Variants in ENOX1 observed in about 807,000 individuals in gnomAD.
The protein encoded by ENOX1 is candidate growth-related and time keeping constitutive hydroquinone (NADH) oxidase.
In ENOX1, 42 loss-of-function variants were observed where a neutral mutation model predicts 82.5. The observed-to-expected ratio is 0.51, with a 90% CI of 0.40 to 0.66. The LOEUF is 0.66. Among genes scored for constraint, ENOX1 ranks in the 30% least tolerant of loss-of-function variants. ENOX1 has a pLI of 0.00. For missense variants in ENOX1, 608 were observed against 811.6 expected, an observed-to-expected ratio of 0.75 and a Z score of 3.05; for synonymous variants, 271 against 282.2, an observed-to-expected ratio of 0.96 and a Z score of 0.40.
chr13:43,428,588 C>T (rs1429506023), intron 3 of ENOX1, among the ~76,000 whole-genome samples: 3 of 152,128 alleles, frequency 2.0e-5, no homozygotes, highest in African/African-American at 7.2e-5. Context: ...GAGGTGGAGT[C>T]AGGTTACTAT....
At chr13:43,506,419 T>G (rs1389856596) in intron 2 of ENOX1, among the ~76,000 whole-genome samples, 1 of 149,744 alleles carries the variant, frequency 6.7e-6, no homozygotes. Context: ...ATTGTGGAAG[T>G]CGGTGTGGCG....
In ENOX1 at chr13:43,631,773, C is replaced by T. The variant is rs765642198; in HGVS notation, c.-219+35706G>A. 3.9e-5 allele frequency among the ~76,000 whole-genome samples: 6 copies of T among 152,174 alleles called. No homozygotes were observed. In the South Asian group the frequency reaches 1.0e-3, roughly 26 times the overall value. On this transcript the variant is annotated intron_variant, in intron 2 of 16. Coordinates refer to ENST00000690772, the MANE Select transcript of ENOX1 (RefSeq NM_001347969.2). ...ATATTGTTTTACCACATTATCTGATCGTGATGCTTCATCTCTGATCACATG... is the reference window on the plus strand; with the variant it reads ...ATATTGTTTTACCACATTATCTGATTGTGATGCTTCATCTCTGATCACATG...
chr13:43,580,247 G>A (rs2080650473), intron 2 of ENOX1, among the ~76,000 whole-genome samples: 1 of 152,130 alleles, frequency 6.6e-6, no homozygotes, highest in South Asian at 2.1e-4. Context: ...TGTTAACTGG[G>A]TTTTATCATA....
At chr13:43,372,543 C>T (rs1028297030) in intron 5 of ENOX1, among the ~76,000 whole-genome samples, 2 of 152,114 alleles carry the variant, frequency 1.3e-5, no homozygotes, top group African/African-American at 4.8e-5. Context: ...AGGACAGGAA[C>T]AGGGACAGGA....
intron 14 of ENOX1, among the ~76,000 whole-genome samples, chr13:43,253,827 C>T (rs935135102): frequency 1.3e-5 from 2 of 152,048 alleles, no homozygotes; most frequent in East Asian, 1.9e-4. Flanking sequence ...CTTTTGGGCT[C>T]CCGACTCTTT....
intron 3 of ENOX1, among the ~76,000 whole-genome samples, chr13:43,455,871 C>T (rs184020502): frequency 5.3e-4 from 81 of 152,278 alleles, no homozygotes; most frequent in African/African-American, 1.9e-3. Context: ...TGACTTTGTT[C>T]TTTCCTTGCC....
chr13:43,751,772 T>G (rs1950335595), intron 1 of ENOX1, among the ~76,000 whole-genome samples: 1 of 152,210 alleles, frequency 6.6e-6, no homozygotes, highest in African/African-American at 2.4e-5. Context: ...TGAGTTTGTC[T>G]TTTTACCTGT....
intron 2 of ENOX1, among the ~76,000 whole-genome samples, chr13:43,627,733 A>C (rs964184554): frequency 4.6e-5 from 7 of 151,998 alleles, no homozygotes; most frequent in Non-Finnish European, 1.0e-4. Flanking sequence ...AATTTCCCAG[A>C]GTCCCTTCTT....
intron 11 of ENOX1, among the ~76,000 whole-genome samples, chr13:43,316,137 A>C (rs1429453351): frequency 2.0e-5 from 3 of 152,184 alleles, no homozygotes; most frequent in Admixed American, 6.6e-5. Flanking sequence ...GACTCATAGC[A>C]CTAAGCAAGA....
At chr13:43,567,297 C>G (rs2079963196) in intron 2 of ENOX1, among the ~76,000 whole-genome samples, 1 of 152,074 alleles carries the variant, frequency 6.6e-6, no homozygotes, top group Admixed American at 6.6e-5. Flanking sequence ...TAGTGCAAAT[C>G]AGTACCATGT....
At chr13:43,654,747 G>A (rs2084352051) in intron 2 of ENOX1, among the ~76,000 whole-genome samples, 1 of 152,100 alleles carries the variant, frequency 6.6e-6, no homozygotes, top group South Asian at 2.1e-4. Flanking sequence ...AATCTTTCTG[G>A]TGGCTGAGCC....
chr13:43,721,779 C>G (rs932970265), intron 1 of ENOX1, among the ~76,000 whole-genome samples: 1 of 152,140 alleles, frequency 6.6e-6, no homozygotes, highest in African/African-American at 2.4e-5. Context: ...AGACAGCCTG[C>G]CACTGAGACA....
At chr13:43,619,274 T>C (rs1237233626) in intron 2 of ENOX1, among the ~76,000 whole-genome samples, 2 of 152,176 alleles carry the variant, frequency 1.3e-5, no homozygotes, top group Non-Finnish European at 2.9e-5. Flanking sequence ...TCCAGTACTA[T>C]GTTGAAGAGT....
At chr13:43,766,703 G>C (rs773018619) in intron 1 of ENOX1, among the ~76,000 whole-genome samples, 1 of 152,166 alleles carries the variant, frequency 6.6e-6, no homozygotes, top group Non-Finnish European at 1.5e-5. Context: ...GAGTAAAATA[G>C]ACTTGGTTTC....
At chr13:43,253,855 T>A (rs1382803158) in intron 14 of ENOX1, among the ~76,000 whole-genome samples, 1 of 152,194 alleles carries the variant, frequency 6.6e-6, no homozygotes, top group Non-Finnish European at 1.5e-5. Flanking sequence ...TGCTACTGAA[T>A]GTTCCTCCTG....
At chr13:43,228,484 TA>T (rs2042125124) in intron 15 of ENOX1, among the ~76,000 whole-genome samples, 1 of 152,236 alleles carries the variant, frequency 6.6e-6, no homozygotes, top group South Asian at 2.1e-4. Context: ...CTCAGAATCT[TA>T]AAAACTACTT....
chr13:43,265,419 G>A lies in ENOX1; in HGVS notation c.1590C>T (p.Gly530=). Residue 530 remains glycine, a synonymous_variant, in exon 14 of 17, where the codon GGC becomes GGT. Coordinates refer to ENST00000690772, the MANE Select transcript of ENOX1 (RefSeq NM_001347969.2). ...KGTKELVETN[G]HSHEDSNEIN... ...CTACATTTGAATCCTCATGGCTGTG[G>A]CCATTGGTCTCGACCAATTCCTTGG... The A allele has an allele frequency of 6.2e-7, 1 of 1,611,956 alleles. No homozygotes were observed. The highest frequency in any genetic ancestry group is 8.5e-7 in the Non-Finnish European group (1 of 1,178,922).
chr13:43,288,385 C>T (rs1376506625), intron 12 of ENOX1, among the ~76,000 whole-genome samples: 3 of 152,270 alleles, frequency 2.0e-5, no homozygotes, highest in African/African-American at 7.2e-5. Context: ...GAAACTTAAT[C>T]TGGGTTGTCG....
At chr13:43,647,618 T>C (rs1026323279) in intron 2 of ENOX1, among the ~76,000 whole-genome samples, 1 of 152,332 alleles carries the variant, frequency 6.6e-6, no homozygotes, top group Non-Finnish European at 1.5e-5. Context: ...GGAAGAGAAA[T>C]GAGGCTTTGG....
Sources: gnomAD v4.1 joint callset for allele counts (sites outside exome capture counted in the v4.1 genomes callset) on GRCh38, gnomAD v4.1.1 for gene constraint, MANE v1.5 for transcripts, NCBI Gene and HGNC (gene_info 2026-07-23, HGNC 2026-07-21) for gene names.